Variants in ADAMTSL1 observed in about 807,000 individuals in gnomAD.
ADAMTSL1 encodes ADAMTS-like protein 1.
A neutral mutation model predicts 201.8 loss-of-function variants in ADAMTSL1; 126 were observed. The observed-to-expected ratio is 0.62, with a 90% confidence interval of 0.54 to 0.72. The LOEUF is 0.72. Among genes scored for constraint, ADAMTSL1 ranks in the 30% least tolerant of loss-of-function variants. ADAMTSL1 has a pLI of 0.00. For missense variants in ADAMTSL1, 2,679 were observed against 2,277.8 expected (o/e 1.18, Z -3.59); for synonymous variants, 1,121 against 903.4 (o/e 1.24, Z -4.32).
At chr9:18,055,301 A>G (rs1266579270) in intron 1 of ADAMTSL1, among the ~76,000 whole-genome samples, 1 of 152,146 alleles carries the variant, frequency 6.6e-6, no homozygotes, top group Admixed American at 6.5e-5. Flanking sequence ...GACTGGTTTC[A>G]TTGACTCTGT....
chr9:17,998,026 C>G (rs368371040), intron 1 of ADAMTSL1, among the ~76,000 whole-genome samples: 1 of 151,902 alleles, frequency 6.6e-6, no homozygotes, highest in Admixed American at 6.6e-5. Context: ...GATCACTCTC[C>G]GTTAATAAAA....
intron 1 of ADAMTSL1, among the ~76,000 whole-genome samples, chr9:17,959,941 T>A (rs571316131): frequency 8.5e-5 from 13 of 152,118 alleles, no homozygotes; most frequent in South Asian, 4.1e-4. Context: ...TCCCTAGGAG[T>A]CCCCTGAGAG....
At chr9:18,292,437 C>T (rs1833310618) in intron 2 of ADAMTSL1, among the ~76,000 whole-genome samples, 1 of 152,118 alleles carries the variant, frequency 6.6e-6, no homozygotes, top group Non-Finnish European at 1.5e-5. Context: ...TATTGAGCGT[C>T]AACTTGATTG....
At chr9:17,998,003 A>T (rs552192621) in intron 1 of ADAMTSL1, among the ~76,000 whole-genome samples, 2 of 152,048 alleles carry the variant, frequency 1.3e-5, no homozygotes, top group Admixed American at 6.6e-5. Context: ...AGTATTCTCC[A>T]TTAATAAAAT....
intron 5 of ADAMTSL1, chr9:18,622,578 C>T: frequency 1.5e-6 from 1 of 660,960 alleles, no homozygotes; most frequent in Non-Finnish European, 2.5e-6. Context: ...GAAGCCTGTC[C>T]TTCTGAGGCA....
intron 1 of ADAMTSL1, among the ~76,000 whole-genome samples, chr9:18,125,757 T>C (rs891828584): frequency 1.3e-5 from 2 of 152,196 alleles, no homozygotes; most frequent in Non-Finnish European, 2.9e-5. Flanking sequence ...CTTTTCTATA[T>C]TGCATCTTTT....
chr9:18,311,173 G>C (rs1427132245), intron 2 of ADAMTSL1, among the ~76,000 whole-genome samples: 1 of 151,934 alleles, frequency 6.6e-6, no homozygotes, highest in Non-Finnish European at 1.5e-5. Context: ...ATGGACACAG[G>C]GAGGGGAACA....
chr9:18,588,868 CATATATATACATATACATATATATAT>C (rs59154428), intron 4 of ADAMTSL1, among the ~76,000 whole-genome samples: 7 of 113,732 alleles, frequency 6.2e-5, no homozygotes, highest in African/African-American at 2.5e-4. Flanking sequence ...AGCTTTGTGC[CATATATATACATATACATATATATAT>C]ATATATATAC....
At chr9:18,784,895 G>A (rs1287077676) in intron 19 of ADAMTSL1, among the ~76,000 whole-genome samples, 4 of 152,214 alleles carry the variant, frequency 2.6e-5, no homozygotes, top group Non-Finnish European at 4.4e-5. Flanking sequence ...GTGAGGCGCG[G>A]TGGCTCACGC....
chr9:18,073,313 T>C (rs1823046864), intron 1 of ADAMTSL1, among the ~76,000 whole-genome samples: 1 of 152,208 alleles, frequency 6.6e-6, no homozygotes, highest in East Asian at 1.9e-4. Flanking sequence ...TGTGAATGCC[T>C]AATGAAGATC....
intron 4 of ADAMTSL1, among the ~76,000 whole-genome samples, chr9:18,608,816 T>A (rs995000805): frequency 2.0e-5 from 3 of 152,214 alleles, no homozygotes; most frequent in African/African-American, 7.2e-5. Context: ...TTGTTAATTC[T>A]GATTAATAAG....
At chr9:18,445,333 G>T (rs1268886241) in intron 2 of ADAMTSL1, among the ~76,000 whole-genome samples, 1 of 152,074 alleles carries the variant, frequency 6.6e-6, no homozygotes, top group East Asian at 1.9e-4. Flanking sequence ...TGAACTCTTT[G>T]ACTTTGTTTG....
At chr9:18,310,706 C>A (rs1834116628) in intron 2 of ADAMTSL1, among the ~76,000 whole-genome samples, 1 of 152,116 alleles carries the variant, frequency 6.6e-6, no homozygotes, top group Non-Finnish European at 1.5e-5. Context: ...CAGGAAACAA[C>A]AGATGCTAGA....
chr9:18,723,086 C>G, intron 15 of ADAMTSL1: 1 of 777,566 alleles, frequency 1.3e-6, no homozygotes, highest in Non-Finnish European at 2.4e-6. Flanking sequence ...CCTGGCTTCT[C>G]ATCCTGCTGT....
chr9:18,620,625 A>C (rs761826477), intron 4 of ADAMTSL1, among the ~76,000 whole-genome samples: 2 of 152,230 alleles, frequency 1.3e-5, no homozygotes, highest in Admixed American at 6.5e-5. Context: ...TTAAGCCAGC[A>C]CATGTTTGGC....
chr9:18,594,126 T>G (rs2132496823), intron 4 of ADAMTSL1, among the ~76,000 whole-genome samples: 1 of 152,282 alleles, frequency 6.6e-6, no homozygotes, highest in South Asian at 2.1e-4. Flanking sequence ...AAGGATATTT[T>G]TACAGGGTAC....
At chr9:18,579,910 A>G (rs13293767) in intron 4 of ADAMTSL1, among the ~76,000 whole-genome samples, 23,271 of 152,258 alleles carry the variant, frequency 0.15, 2,118 homozygotes, top group Admixed American at 0.25. Flanking sequence ...TATATTTTTT[A>G]AAAGAGTAGC....
At chr9:18,466,648 G>A (rs1821016710) in intron 2 of ADAMTSL1, among the ~76,000 whole-genome samples, 1 of 151,976 alleles carries the variant, frequency 6.6e-6, no homozygotes, top group African/African-American at 2.4e-5. Flanking sequence ...ATAAATAATT[G>A]TTTTAAAATG....
Position 18,529,103 on chromosome 9 carries a change from C to T in ADAMTSL1, c.192-4144C>T, listed in dbSNP as rs1819280062. ...TAAATCCTTGTGGTGGAATAGTCAC[C>T]TAGCTACTTATGTGAAATTTATATT... On this transcript the variant is annotated intron_variant, in intron 2 of 28. Coordinates refer to ENST00000380548, the MANE Select transcript of ADAMTSL1 (RefSeq NM_001040272.6). Among the ~76,000 whole-genome samples the T allele has an allele frequency of 2.6e-5, 4 of 152,146 alleles. No individual in the cohort carries two copies. The South Asian group carries it at 8.3e-4, about 31-fold the overall frequency.
Sources: allele counts gnomAD v4.1 joint callset (sites outside exome capture counted in the v4.1 genomes callset), GRCh38; gene constraint gnomAD v4.1.1; transcripts MANE v1.5; gene names NCBI Gene and HGNC (gene_info 2026-07-23, HGNC 2026-07-21).